PAPSS1: variants seen among roughly 807,000 people sequenced by gnomAD.
PAPSS1 encodes 3'-phosphoadenosine 5'-phosphosulfate synthase 1.
PAPSS1 carries 50 observed loss-of-function variants against 72.0 expected under a neutral mutation model. That is an observed-to-expected ratio of 0.69 (90% CI 0.55 to 0.88). PAPSS1 has a LOEUF of 0.88. PAPSS1 is among the 40% of genes least tolerant of loss of function. PAPSS1 has a pLI of 0.00. For synonymous variants in PAPSS1, 261 were observed against 263.6 expected (o/e 0.99, Z 0.09); for missense variants, 657 against 782.2 (o/e 0.84, Z 1.91).
At chr4:107,679,760 C>G (rs778841439) in intron 5 of PAPSS1, among the ~76,000 whole-genome samples, 1 of 150,020 alleles carries the variant, frequency 6.7e-6, no homozygotes, top group Non-Finnish European at 1.5e-5. Context: ...CTCACTGCAA[C>G]TTCCACCCCC....
chr4:107,703,256 C>T (rs1723249944), intron 1 of PAPSS1, among the ~76,000 whole-genome samples: 1 of 152,026 alleles, frequency 6.6e-6, no homozygotes, highest in South Asian at 2.1e-4. Context: ...TGGATATTAA[C>T]CCCTTATCAG....
At chr4:107,696,429 T>C (rs1017743743) in intron 2 of PAPSS1, among the ~76,000 whole-genome samples, 3 of 152,156 alleles carry the variant, frequency 2.0e-5, no homozygotes, top group Non-Finnish European at 2.9e-5. Flanking sequence ...TGCAGGGACA[T>C]GGACGGAGCT....
chr4:107,683,600 C>T (rs1271943244), intron 4 of PAPSS1, among the ~76,000 whole-genome samples: 1 of 152,060 alleles, frequency 6.6e-6, no homozygotes, highest in African/African-American at 2.4e-5. Flanking sequence ...AGTTCTCCTA[C>T]TAGATAATTT....
At chr4:107,644,512 T>G (rs993703779) in intron 10 of PAPSS1, among the ~76,000 whole-genome samples, 1 of 152,120 alleles carries the variant, frequency 6.6e-6, no homozygotes, top group Non-Finnish European at 1.5e-5. Flanking sequence ...AAGAGGAGCT[T>G]GTGGCATACC....
intron 2 of PAPSS1, 157 bp from the exon 3 acceptor site, chr4:107,694,163 A>C (rs1723010357): frequency 1.5e-5 from 9 of 595,004 alleles, no homozygotes; most frequent in Non-Finnish European, 3.0e-6. Flanking sequence ...TCCTGGACTC[A>C]AGAGATCATG....
intron 2 of PAPSS1, chr4:107,694,248 G>C: frequency 2.2e-6 from 1 of 450,802 alleles, no homozygotes; most frequent in Non-Finnish European, 4.0e-6. Flanking sequence ...TGTAGAGACA[G>C]AATTCTCAAT....
intron 5 of PAPSS1, among the ~76,000 whole-genome samples, chr4:107,679,809 G>A (rs1347976121): frequency 4.0e-5 from 6 of 151,394 alleles, no homozygotes; most frequent in Admixed American, 2.6e-4. Context: ...CTTTTTAACT[G>A]GGATTAAGTT....
At chr4:107,622,692 C>T (rs980764239) in intron 11 of PAPSS1, among the ~76,000 whole-genome samples, 6 of 152,256 alleles carry the variant, frequency 3.9e-5, no homozygotes, top group Middle Eastern at 3.4e-3. Flanking sequence ...AACTGCTTTA[C>T]GAAATGTAGA....
intron 5 of PAPSS1, among the ~76,000 whole-genome samples, chr4:107,661,646 A>T (rs577278410): frequency 2.6e-5 from 4 of 152,106 alleles, no homozygotes; most frequent in East Asian, 3.9e-4. Context: ...AAACTTCTCT[A>T]AAAAAAAGTC....
chr4:107,619,232 G>C (rs1725898299), intron 11 of PAPSS1, among the ~76,000 whole-genome samples: 2 of 152,140 alleles, frequency 1.3e-5, no homozygotes, highest in Admixed American at 1.3e-4. Context: ...CCAGAAGTTT[G>C]CTTGCATTCC....
intron 1 of PAPSS1, among the ~76,000 whole-genome samples, chr4:107,706,429 T>C (rs1723342366): frequency 6.6e-6 from 1 of 152,208 alleles, no homozygotes; most frequent in South Asian, 2.1e-4. Context: ...TTTTTCATTT[T>C]ATTCATTAAA....
At chr4:107,717,037 C>T (rs1034521616) in intron 1 of PAPSS1, among the ~76,000 whole-genome samples, 1 of 151,572 alleles carries the variant, frequency 6.6e-6, no homozygotes, top group Non-Finnish European at 1.5e-5. Flanking sequence ...CATGTCCCTA[C>T]TATTTGAAAA....
intron 2 of PAPSS1, 130 bp from the exon 3 acceptor site, chr4:107,694,136 T>C (rs891384622): frequency 2.7e-5 from 17 of 640,512 alleles, no homozygotes; most frequent in African/African-American, 5.5e-5. Flanking sequence ...GCTGCATAGC[T>C]CACTGCAGCC....
At chr4:107,650,490 C>T (rs180950173) in intron 9 of PAPSS1, among the ~76,000 whole-genome samples, 28 of 152,212 alleles carry the variant, frequency 1.8e-4, no homozygotes, top group South Asian at 1.2e-3. Flanking sequence ...TTCAACAGTG[C>T]CAACAATTAA....
At chr4:107,716,488 T>A (rs1165701097) in intron 1 of PAPSS1, among the ~76,000 whole-genome samples, 1 of 152,174 alleles carries the variant, frequency 6.6e-6, no homozygotes, top group South Asian at 2.1e-4. Flanking sequence ...ACGTCCAGTT[T>A]CAAACGCTTC....
At chr4:107,647,885 C>G (rs1486721922) in intron 9 of PAPSS1, among the ~76,000 whole-genome samples, 4 of 152,186 alleles carry the variant, frequency 2.6e-5, no homozygotes, top group African/African-American at 9.7e-5. Context: ...CAGATGGCTT[C>G]TCTTAGCCAC....
intron 11 of PAPSS1, among the ~76,000 whole-genome samples, chr4:107,622,094 T>C (rs993810338): frequency 6.6e-6 from 1 of 152,206 alleles, no homozygotes; most frequent in African/African-American, 2.4e-5. Context: ...TTTTCTCTGG[T>C]ACTGATACTT....
At chr4:107,643,854 T>C (rs1268317506) in intron 10 of PAPSS1, among the ~76,000 whole-genome samples, 1 of 152,210 alleles carries the variant, frequency 6.6e-6, no homozygotes, top group Non-Finnish European at 1.5e-5. Context: ...CTTTTTCATA[T>C]ATACTTTCTC....
chr4:107,629,097 T>C (rs1317370131), intron 11 of PAPSS1, among the ~76,000 whole-genome samples: 1 of 152,190 alleles, frequency 6.6e-6, no homozygotes, highest in Non-Finnish European at 1.5e-5. Flanking sequence ...TTATAACATG[T>C]CTGAACAGGA....
Sources: gnomAD v4.1 joint callset for allele counts (sites outside exome capture counted in the v4.1 genomes callset) on GRCh38, gnomAD v4.1.1 for gene constraint, MANE v1.5 for transcripts, NCBI Gene and HGNC (gene_info 2026-07-23, HGNC 2026-07-21) for gene names.